Variants in ODAD4 observed in about 807,000 individuals in gnomAD.
The protein encoded by ODAD4 is outer dynein arm-docking complex subunit 4.
ODAD4 carries 49 observed loss-of-function variants against 51.8 expected under a neutral mutation model. The observed-to-expected ratio is 0.95, with a 90% CI of 0.75 to 1.20. The LOEUF (loss-of-function observed/expected upper bound fraction) is 1.20, where lower values mean the gene tolerates loss of function less well. ODAD4 is among the 50% of genes most tolerant of loss of function. The pLI is 0.00. For missense variants in ODAD4, 590 were observed against 586.5 expected, an observed-to-expected ratio of 1.01 and a Z score of -0.06; for synonymous variants, 235 against 221.3, an observed-to-expected ratio of 1.06 and a Z score of -0.55.
Position 41,952,540 on chromosome 17 carries a change from C to CAAA in ODAD4, c.1343-2650_1343-2648dup, listed in dbSNP as rs11369140. The CAAA allele has an allele frequency of 3.1e-3, 358 of 113,776 alleles. 1 individual carries two copies. Among genetic ancestry groups the CAAA allele is most frequent in the Middle Eastern group, 3.8e-3 (1 of 264 alleles). 7.0% of individuals were successfully genotyped at this position (113,776 alleles called of 1,614,324 possible). A position where few individuals can be genotyped will look rare whatever the true frequency, so the allele number is the denominator to read the frequency against. On this transcript the variant is annotated intron_variant, in intron 9 of 11. Transcript: ENST00000377540. Reference sequence around the variant, plus strand: ...CAGAGCGAGGCCCTGACCCTCACTCCAAAAAAAAAAAAAAAAAAAAAAAAA... The same window carrying CAAA: ...CAGAGCGAGGCCCTGACCCTCACTCCAAAAAAAAAAAAAAAAAAAAAAAAAAAA...
rs1330603541 is a variant in ODAD4, at chr17:41,966,421, T to TA, written c.*948dup. Among the ~76,000 whole-genome samples the TA allele has an allele frequency of 1.1e-3, 168 of 148,632 alleles. No individual in the cohort carries two copies. The highest frequency in any genetic ancestry group is 1.6e-3 in the Admixed American group (24 of 14,930). On this transcript the variant is annotated 3_prime_UTR_variant, in exon 12 of 12. Transcript: ENST00000377540. Reference sequence around the variant, plus strand: ...ATGATAATATTTTAATCCAATGTGGTAAAAAAAAAAGTTTTTAATTAATGC... The same window carrying TA: ...ATGATAATATTTTAATCCAATGTGGTAAAAAAAAAAAGTTTTTAATTAATGC...
rs2050320490 is a variant in ODAD4 at position 41,930,874 on chromosome 17, C to G, written c.114+37C>G. 5 of 769,748 alleles carry G rather than the reference C, an allele frequency of 6.5e-6. No homozygotes were observed. The East Asian group carries it at 1.5e-4, about 23-fold the overall frequency. The allele number at this position is 769,748 out of a possible 1,614,324, so 47.7% of individuals were successfully genotyped here. A position where few individuals can be genotyped will look rare whatever the true frequency, so the allele number is the denominator to read the frequency against. On this transcript the variant is annotated intron_variant, in intron 1 of 11. Coordinates refer to ENST00000377540, the MANE Select transcript of ODAD4 (RefSeq NM_031421.5). ...TCTCAACCTATCCATCACCCCATCA[C>G]CCGTCACTTTTTTTTTTTTTTTTTT...
chr17:41,953,161 A>G (rs1432012827), intron 9 of ODAD4, among the ~76,000 whole-genome samples: 2 of 150,946 alleles, frequency 1.3e-5, no homozygotes, highest in African/African-American at 4.9e-5. Context: ...TCCGATTTCA[A>G]GCGATTCTTC....
chr17:41,953,399 T>TTCTTTTACA (rs2050685153), intron 9 of ODAD4, among the ~76,000 whole-genome samples: 1 of 151,918 alleles, frequency 6.6e-6, no homozygotes, highest in Non-Finnish European at 1.5e-5. Context: ...CACAAGGGCT[T>TTCTTTTACA]ATTTTCCCCA....
intron 8 of ODAD4, 123 bp downstream of exon 8, chr17:41,945,345 A>C: frequency 1.0e-5 from 2 of 198,208 alleles, no homozygotes; most frequent in Non-Finnish European, 8.6e-6. Flanking sequence ...CCTCTCTACA[A>C]AAAAAAAAAA....
intron 9 of ODAD4, among the ~76,000 whole-genome samples, chr17:41,951,871 G>A (rs1292410001): frequency 8.7e-6 from 1 of 115,424 alleles, no homozygotes; most frequent in Non-Finnish European, 1.7e-5. Flanking sequence ...GTGAAAGAAC[G>A]AGACTCTGTC....
chr17:41,939,311 G>A, intron 7 of ODAD4, 139 bp downstream of exon 7: 2 of 859,312 alleles, frequency 2.3e-6, no homozygotes. Flanking sequence ...TCCTGGAGGT[G>A]GGGACCACCT....
intron 9 of ODAD4, 77 bp from the exon 10 acceptor site, chr17:41,955,140 G>C (rs374848717): frequency 1.4e-6 from 1 of 726,678 alleles, no homozygotes; most frequent in Admixed American, 1.9e-5. Flanking sequence ...GGCAGTGCTC[G>C]AGTAGCCAGA....
intron 10 of ODAD4, among the ~76,000 whole-genome samples, chr17:41,959,794 T>A (rs782391577): frequency 3.9e-5 from 6 of 152,102 alleles, no homozygotes; most frequent in Non-Finnish European, 7.4e-5. Context: ...TCACCTCTGT[T>A]TTTTGGGAGG....
At chr17:41,964,063 ATTTTT>A (rs539389648) in intron 11 of ODAD4, among the ~76,000 whole-genome samples, 4 of 140,494 alleles carry the variant, frequency 2.8e-5, no homozygotes, top group African/African-American at 1.1e-4. Context: ...CTCCCGGTTA[ATTTTT>A]TTTTTTTTTG....
At chr17:41,958,919 CAGG>C (rs1474669470) in intron 10 of ODAD4, among the ~76,000 whole-genome samples, 1 of 151,156 alleles carries the variant, frequency 6.6e-6, no homozygotes, top group Non-Finnish European at 1.5e-5. Flanking sequence ...GAGGCTGAAG[CAGG>C]AGAATTGCTT....
chr17:41,938,808 C>A, intron 6 of ODAD4, 27 bp downstream of exon 6: 1 of 1,606,440 alleles, frequency 6.2e-7, no homozygotes, highest in Non-Finnish European at 8.5e-7. Flanking sequence ...GAGGGTGGGG[C>A]AGGTGCCTCC....
chr17:41,939,539 T>A lies in ODAD4; in HGVS notation c.1058+367T>A, dbSNP rs138650842. Among the ~76,000 whole-genome samples the A allele has an allele frequency of 7.1e-3, 1,078 of 152,178 alleles. 8 individuals are homozygous for A. The highest frequency in any genetic ancestry group is 0.027 in the Middle Eastern group (8 of 294). ...GACACAAGGGCCATTTCCCTGCAGA[T>A]GTCAAGCAAAAAGGGACATAGCTAA... On this transcript the variant is annotated intron_variant, in intron 7 of 11. Transcript: ENST00000377540.
At position 41,950,476 on chromosome 17, in the gene ODAD4, G is replaced by T. The variant is rs2050638164; in HGVS notation, c.1342+1127G>T. 4.0e-5 allele frequency among the ~76,000 whole-genome samples: 6 copies of T among 151,326 alleles called. No individual in the cohort carries two copies. The South Asian group carries it at 1.3e-3, about 32-fold the overall frequency. On this transcript the variant is annotated intron_variant, in intron 9 of 11. Transcript: ENST00000377540. ...CAGCTCACTGCAACCTCTGCCTCAT[G>T]GGTTCAAATGATTCCTGTGCCTCAG...
chr17:41,964,377 A>G (rs910183934), intron 11 of ODAD4, among the ~76,000 whole-genome samples: 1 of 151,760 alleles, frequency 6.6e-6, no homozygotes, highest in African/African-American at 2.4e-5. Flanking sequence ...TTTCTTTTCT[A>G]TCGATCTCAG....
chr17:41,960,997 G>A (rs2050798686), intron 10 of ODAD4, among the ~76,000 whole-genome samples: 1 of 152,204 alleles, frequency 6.6e-6, no homozygotes, highest in Admixed American at 6.5e-5. Flanking sequence ...CCCTTGGTGT[G>A]TTTCTGGGTC....
Position 41,947,726 on chromosome 17 carries a change from C to T in ODAD4, c.1146-1427C>T, listed in dbSNP as rs1463821363. On this transcript the variant is annotated intron_variant, in intron 8 of 11. Coordinates refer to ENST00000377540, the MANE Select transcript of ODAD4 (RefSeq NM_031421.5). ...AAGAGAATCACTTGAATCTGGGAGG[C>T]GGAGGTTGCAGTGAGCTGAGATGGC... Among the ~76,000 whole-genome samples the T allele has an allele frequency of 2.3e-3, 355 of 151,534 alleles. 2 individuals carry two copies. The highest frequency in any genetic ancestry group is 6.9e-3 in the South Asian group (33 of 4,792).
intron 7 of ODAD4, among the ~76,000 whole-genome samples, chr17:41,942,231 C>A (rs1045805604): frequency 6.6e-6 from 1 of 152,068 alleles, no homozygotes; most frequent in Non-Finnish European, 1.5e-5. Flanking sequence ...CCACCATGCC[C>A]GGGCTATTAG....
At chr17:41,932,312 C>G (rs1448696070) in intron 1 of ODAD4, among the ~76,000 whole-genome samples, 7 of 151,886 alleles carry the variant, frequency 4.6e-5, no homozygotes, top group Non-Finnish European at 8.8e-5. Flanking sequence ...CAGGTGATCC[C>G]CCCCCACCTC....
Sources: allele counts gnomAD v4.1 joint callset (sites outside exome capture counted in the v4.1 genomes callset), GRCh38; gene constraint gnomAD v4.1.1; transcripts MANE v1.5; gene names NCBI Gene and HGNC (gene_info 2026-07-23, HGNC 2026-07-21).